Variants in C12orf42 observed in about 807,000 individuals in gnomAD.
C12orf42 encodes uncharacterized protein C12orf42.
C12orf42 carries 25 observed loss-of-function variants against 21.6 expected under a neutral mutation model. The ratio of observed to expected loss-of-function variants is 1.16; its 90% CI spans 0.84 to 1.62. The LOEUF is 1.62. C12orf42 is among the 40% of genes most tolerant of loss of function. The probability of loss-of-function intolerance (pLI) is 0.00; values close to 1 mark genes in which losing one functional copy is unlikely to be tolerated. For missense variants in C12orf42, 483 were observed against 459.3 expected (o/e 1.05, Z -0.47); for synonymous variants, 174 against 175.0 (o/e 0.99, Z 0.05).
chr12:103,200,146 C>T, the C12orf42 span, among the ~76,000 whole-genome samples: 2 of 151,966 alleles, frequency 1.3e-5, no homozygotes, highest in African/African-American at 4.8e-5. Flanking sequence ...ATTAATCAGG[C>T]TTAAAAAAGA....
At chr12:103,395,538 T>G (rs1460097869) in intron 3 of C12orf42, among the ~76,000 whole-genome samples, 4 of 152,128 alleles carry the variant, frequency 2.6e-5, no homozygotes, top group Admixed American at 2.0e-4. Context: ...GGTTTCACTG[T>G]GTTAGGCAGG....
chr12:103,260,075 C>T (rs1454676138), intron 10 of C12orf42, among the ~76,000 whole-genome samples: 2 of 152,110 alleles, frequency 1.3e-5, no homozygotes, highest in Middle Eastern at 3.2e-3. Context: ...TGAACTAGTA[C>T]ATTTTCAGCC....
At chr12:103,202,622 G>C in the C12orf42 span, among the ~76,000 whole-genome samples, 1 of 152,126 alleles carries the variant, frequency 6.6e-6, no homozygotes, top group African/African-American at 2.4e-5. Flanking sequence ...TTTCTGTGCC[G>C]TAAGTCTTAT....
intron 4 of C12orf42, among the ~76,000 whole-genome samples, chr12:103,323,629 A>G (rs568516782): frequency 6.6e-6 from 1 of 152,378 alleles, no homozygotes; most frequent in East Asian, 1.9e-4. Flanking sequence ...AGTAAGAATG[A>G]GACTTCTGAT....
chr12:103,212,556 T>C, the C12orf42 span, among the ~76,000 whole-genome samples: 1 of 152,182 alleles, frequency 6.6e-6, no homozygotes, highest in African/African-American at 2.4e-5. Flanking sequence ...AGGGCAAAAC[T>C]ATTTCATGGA....
At chr12:103,467,700 A>G (rs1953256870) in intron 2 of C12orf42, among the ~76,000 whole-genome samples, 3 of 152,360 alleles carry the variant, frequency 2.0e-5, no homozygotes, top group African/African-American at 7.2e-5. Flanking sequence ...CATTAACAAG[A>G]TCATGATGCC....
chr12:103,497,733 T>C (rs891371214), upstream of C12orf42, among the ~76,000 whole-genome samples: 1 of 152,132 alleles, frequency 6.6e-6, no homozygotes, highest in Non-Finnish European at 1.5e-5. Context: ...TGCAAACAGA[T>C]TTTAAAAGAA....
At chr12:103,441,497 A>G (rs1951241279) in intron 2 of C12orf42, 1 of 152,040 alleles carries the variant, frequency 6.6e-6, no homozygotes, top group Non-Finnish European at 1.5e-5. Flanking sequence ...GTATTTTTCC[A>G]CTCATTTCTG....
rs148741929 is a variant in C12orf42, at chr12:103,409,764, C to A, written c.79-8089G>T. 1.2e-4 allele frequency among the ~76,000 whole-genome samples: 19 copies of A among 152,232 alleles called. No individual in the cohort carries two copies. In the East Asian group the frequency reaches 2.7e-3, roughly 22 times the overall value. ...TTATGATATCATGTCATGCACCTAG[C>A]AGTTCCTTGACTTTAAAATAATGTA... On this transcript the variant is annotated intron_variant, in intron 2 of 5. Coordinates refer to ENST00000548883, the MANE Select transcript of C12orf42 (RefSeq NM_198521.5).
chr12:103,264,075 T>A (rs1205193327), downstream of C12orf42, among the ~76,000 whole-genome samples: 1 of 151,352 alleles, frequency 6.6e-6, no homozygotes, highest in Non-Finnish European at 1.5e-5. Context: ...CCTGTGAAGT[T>A]CATGCCATCA....
At chr12:103,130,623 G>A in the C12orf42 span, among the ~76,000 whole-genome samples, 2 of 152,068 alleles carry the variant, frequency 1.3e-5, no homozygotes, top group East Asian at 3.9e-4. Context: ...GGAGGGGAGA[G>A]GAAGGAAGCA....
chr12:103,122,074 T>C, the C12orf42 span, among the ~76,000 whole-genome samples: 1 of 152,182 alleles, frequency 6.6e-6, no homozygotes, highest in Non-Finnish European at 1.5e-5. Context: ...AGTATTTAGA[T>C]GGTAATAGAC....
intron 4 of C12orf42, among the ~76,000 whole-genome samples, chr12:103,349,819 T>A (rs2042959699): frequency 6.6e-6 from 1 of 152,164 alleles, no homozygotes; most frequent in Non-Finnish European, 1.5e-5. Flanking sequence ...AGGAAACATA[T>A]CAAGTAAATG....
At chr12:103,119,119 T>C in the C12orf42 span, among the ~76,000 whole-genome samples, 1 of 152,154 alleles carries the variant, frequency 6.6e-6, no homozygotes, top group Non-Finnish European at 1.5e-5. Flanking sequence ...GGGAGCAGTA[T>C]AGTTAAATGG....
intron 2 of C12orf42, among the ~76,000 whole-genome samples, chr12:103,403,389 A>AG: frequency 6.6e-6 from 1 of 152,108 alleles, no homozygotes; most frequent in East Asian, 1.9e-4. Context: ...AAAAAAAAAA[A>AG]AAGAAAAAGG....
chr12:103,342,488 T>C (rs376175256), intron 4 of C12orf42, among the ~76,000 whole-genome samples: 11 of 152,270 alleles, frequency 7.2e-5, no homozygotes, highest in African/African-American at 2.2e-4. Context: ...AATTCTCATC[T>C]AATCCCCAAA....
intron 4 of C12orf42, among the ~76,000 whole-genome samples, chr12:103,366,812 A>G (rs778856513): frequency 3.3e-5 from 5 of 151,884 alleles, no homozygotes; most frequent in Admixed American, 6.6e-5. Context: ...AGATGTTGGT[A>G]TGGATGTGGT....
At chr12:103,326,214 C>G (rs1462424742) in intron 4 of C12orf42, among the ~76,000 whole-genome samples, 1 of 152,102 alleles carries the variant, frequency 6.6e-6, no homozygotes, top group Non-Finnish European at 1.5e-5. Flanking sequence ...GCTTCAGAAC[C>G]AATATTCTTT....
intron 2 of C12orf42, chr12:103,471,939 T>C (rs1458644307): frequency 6.6e-6 from 1 of 152,096 alleles, no homozygotes; most frequent in Admixed American, 6.5e-5. Context: ...CACTACCTTT[T>C]CCCATTTGAC....
Sources: gnomAD v4.1 joint callset for allele counts (sites outside exome capture counted in the v4.1 genomes callset) on GRCh38, gnomAD v4.1.1 for gene constraint, MANE v1.5 for transcripts, NCBI Gene and HGNC (gene_info 2026-07-23, HGNC 2026-07-21) for gene names.